Variants in ZBTB4 observed in about 807,000 individuals in gnomAD.
ZBTB4 encodes the protein zinc finger and BTB domain containing 4.
Under a neutral mutation model 59.8 loss-of-function variants are expected in ZBTB4, and 14 were observed. The ratio of observed to expected loss-of-function variants is 0.23; its 90% confidence interval spans 0.15 to 0.37. ZBTB4 has a LOEUF of 0.37. ZBTB4 is among the 10% of genes least tolerant of loss of function. The pLI is 1.00. For synonymous variants in ZBTB4, 587 were observed against 575.2 expected (o/e 1.02, Z -0.29); for missense variants, 1,198 against 1,380.8 (o/e 0.87, Z 2.10).
chr17:7,462,048 G>T lies in ZBTB4; in HGVS notation c.2934C>A (p.Pro978=). 1 of 1,601,240 alleles carries T rather than the reference G, an allele frequency of 6.2e-7. No homozygotes were observed. Among genetic ancestry groups the T allele is most frequent in the Non-Finnish European group, 8.5e-7 (1 of 1,173,332 alleles). Residue 978 remains proline (P), a synonymous_variant, in exon 4 of 4, where the codon CCC becomes CCA. Transcript: ENST00000380599. The surrounding 1 kb of genome is among the most constrained non-coding windows in gnomAD (Gnocchi z 7.5). ...GGGGAGGTGGTGTTGGTGGGGCAGGGGGTGCTGCTTGAGGATTCACTGCGT... is the reference window on the plus strand; with the variant it reads ...GGGGAGGTGGTGTTGGTGGGGCAGGTGGTGCTGCTTGAGGATTCACTGCGT... The part of the protein sequence containing the change: ...FGYAVNPQAA[P]PAPPTPPPPT...
intron 1 of ZBTB4, among the ~76,000 whole-genome samples, chr17:7,469,085 A>T (rs1214283255): frequency 1.3e-5 from 2 of 152,104 alleles, no homozygotes; most frequent in Non-Finnish European, 2.9e-5. Context: ...CCGGGACCCC[A>T]AGAGTCAGTG....
rs2150847385 is a variant in ZBTB4, at chr17:7,461,322, G to A, written c.*618C>T. The A allele has an allele frequency of 6.5e-6, 1 of 152,908 alleles. No homozygotes were observed. The highest frequency in any genetic ancestry group is 2.4e-5 in the African/African-American group (1 of 41,586). The allele number at this position is 152,908 out of a possible 1,614,324, so 9.5% of individuals were successfully genotyped here. The stretch of plus-strand genomic sequence containing the variant: ...CATCTCCGAAGTCCAGGAATATGGG[G>A]AGGAACATGGAAGATCCAAAGGCAT... On this transcript the variant is annotated 3_prime_UTR_variant, in exon 4 of 4. Coordinates refer to ENST00000380599, the MANE Select transcript of ZBTB4 (RefSeq NM_001128833.2).
chr17:7,471,370 A>T (rs2070195118), intron 1 of ZBTB4, among the ~76,000 whole-genome samples: 1 of 152,160 alleles, frequency 6.6e-6, no homozygotes. Flanking sequence ...TTACTTTTGT[A>T]GAGATGGGGT....
chr17:7,479,235 G>A (rs978869543), intron 1 of ZBTB4, among the ~76,000 whole-genome samples: 1 of 152,088 alleles, frequency 6.6e-6, no homozygotes, highest in Admixed American at 6.5e-5. Flanking sequence ...CCCTCGCTCG[G>A]ACGCCATACC....
chr17:7,463,282 G>C lies in ZBTB4; in HGVS notation c.1700C>G (p.Thr567Ser). Residue 567 changes from threonine (T) to serine (S), a missense_variant, in exon 4 of 4, where the codon ACT becomes AGT. By Grantham distance (58) the Thr-to-Ser change is moderately conservative. Transcript: ENST00000380599. ...CACTGGCTTGGCTGTGTAAGTCAGA[G>C]TCCTTCCAGCCCGTGGATTCCGGCC... ...AKGRNPRAGR[T>S]LTYTAKPVGG... 1 of 1,611,190 alleles carries C rather than the reference G, an allele frequency of 6.2e-7. No individual in the cohort carries two copies. Among genetic ancestry groups the C allele is most frequent in the Non-Finnish European group, 8.5e-7 (1 of 1,179,058 alleles).
upstream of ZBTB4, chr17:7,481,339 A>G (rs897348919): frequency 6.5e-5 from 72 of 1,107,460 alleles, no homozygotes; most frequent in Admixed American, 2.2e-4. Flanking sequence ...CGCAAACAAA[A>G]AAAGAAAGAA....
intron 1 of ZBTB4, among the ~76,000 whole-genome samples, chr17:7,475,086 A>T (rs766562494): frequency 3.0e-4 from 45 of 150,328 alleles, no homozygotes; most frequent in Non-Finnish European, 3.8e-4. Flanking sequence ...TGGGAGGCCA[A>T]GGCAGGTGGA....
At chr17:7,480,453 C>T (rs2070329940), upstream of ZBTB4, among the ~76,000 whole-genome samples, 1 of 152,192 alleles carries the variant, frequency 6.6e-6, no homozygotes, top group African/African-American at 2.4e-5. Context: ...GGCGCGGTGG[C>T]TCACGCCTGT....
chr17:7,471,150 T>C (rs970411130), intron 1 of ZBTB4, among the ~76,000 whole-genome samples: 1 of 152,136 alleles, frequency 6.6e-6, no homozygotes, highest in Non-Finnish European at 1.5e-5. Flanking sequence ...CACACAATCA[T>C]TGTCATCATG....
intron 1 of ZBTB4, among the ~76,000 whole-genome samples, chr17:7,470,446 C>T (rs866034807): frequency 1.3e-5 from 2 of 151,978 alleles, no homozygotes; most frequent in Admixed American, 6.6e-5. Flanking sequence ...GTAATCCCAG[C>T]ACTTTGGGAG....
Position 7,463,905 on chromosome 17 carries a change from C to T in ZBTB4, c.1092-15G>A. The T allele has an allele frequency of 6.2e-7, 1 of 1,606,718 alleles. No homozygotes were observed. Among genetic ancestry groups the T allele is most frequent in the Non-Finnish European group, 8.5e-7 (1 of 1,176,808 alleles). Reference sequence around the variant, plus strand: ...TGCACTGGTACCTGGGTCAGGACAGCAGGGAATAGGGCAGGAACACAGGCA... The same window carrying T: ...TGCACTGGTACCTGGGTCAGGACAGTAGGGAATAGGGCAGGAACACAGGCA... On this transcript the variant is annotated splice_polypyrimidine_tract_variant and intron_variant, in intron 3 of 3. Transcript: ENST00000380599.
In ZBTB4 at chr17:7,462,177, A is replaced by G. The variant is rs746432109; in HGVS notation, c.2805T>C (p.Pro935=). ...VYGPQLLAAY[P]YNFSNLAALP... is the part of the protein sequence containing the mutation. ...GAGCGGCCAAGTTACTGAAGTTGTA[A>G]GGGTAGGCGGCAAGGAGCTGGGGGC... The change falls in exon 4 of 4, where the codon CCT becomes CCC. Residue 935 remains proline, a synonymous_variant. Transcript: ENST00000380599. This position sits in a 1 kb window ranked among gnomAD's most constrained non-coding sequence, Gnocchi z 7.5. The G allele has an allele frequency of 7.4e-6, 12 of 1,613,656 alleles. No individual in the cohort carries two copies. The highest frequency in any genetic ancestry group is 1.3e-5 in the African/African-American group (1 of 74,806).
At chr17:7,470,038 C>T (rs534399486) in intron 1 of ZBTB4, among the ~76,000 whole-genome samples, 218 of 151,980 alleles carry the variant, frequency 1.4e-3, no homozygotes, top group Non-Finnish European at 2.3e-3. Flanking sequence ...GCCGAGATTG[C>T]GTCACTGCAC....
At position 7,479,501 on chromosome 17, in the gene ZBTB4, G is replaced by A. The variant is rs1202977340; in HGVS notation, c.-126C>T. The A allele has an allele frequency of 3.1e-5, 5 of 159,066 alleles. No individual in the cohort carries two copies. The highest frequency in any genetic ancestry group is 4.8e-5 in the African/African-American group (2 of 41,536). 9.9% of individuals were successfully genotyped at this position (159,066 alleles called of 1,614,324 possible). On this transcript the variant is annotated 5_prime_UTR_variant, in exon 1 of 4. Transcript: ENST00000380599. ...TCCGCCAGGCCCGGCTCATCACCGT[G>A]GCCGCCCCCGGCCGCTCCGGTTTTG...
At chr17:7,465,010 G>A (rs910521570) in intron 3 of ZBTB4, among the ~76,000 whole-genome samples, 1 of 150,490 alleles carries the variant, frequency 6.6e-6, no homozygotes, top group African/African-American at 2.4e-5. Context: ...CAAAAAATTA[G>A]CCGGGCGTGA....
intron 1 of ZBTB4, among the ~76,000 whole-genome samples, chr17:7,478,466 G>A (rs751355907): frequency 6.6e-6 from 1 of 151,944 alleles, no homozygotes; most frequent in South Asian, 2.1e-4. Flanking sequence ...CTTCACCACT[G>A]GACCACACCT....
chr17:7,461,906 G>A lies in ZBTB4; in HGVS notation c.*34C>T, dbSNP rs2070025244. On this transcript the variant is annotated 3_prime_UTR_variant, in exon 4 of 4. Transcript: ENST00000380599. ...TAGTGGTGGGGGGTTCAGGGAGGGT[G>A]GCATCTGGTGAAAGGGGGATTGAGC... 4.0e-6 allele frequency: 6 copies of A among 1,511,026 alleles called. No homozygotes were observed. Among genetic ancestry groups the A allele is most frequent in the Non-Finnish European group, 4.4e-6 (5 of 1,126,842 alleles). The allele number at this position is 1,511,026 out of a possible 1,614,324, so 93.6% of individuals were successfully genotyped here. A position where few individuals can be genotyped will look rare whatever the true frequency, so the allele number is the denominator to read the frequency against.
rs367983326 is a variant in ZBTB4, at chr17:7,466,593, G to A, written c.209C>T (p.Ala70Val). The part of the protein sequence containing the change: ...LTSAPLPLPP[A>V]TGGAAPNPAT... ...AGGGTTGGGTGCGGCGCCCCCAGTA[G>A]CTGGTGGAAGGGGTAGTGGGGCTGA... The change falls in exon 3 of 4, where the codon GCT (alanine) becomes GTT (valine). Residue 70 changes from alanine (A) to valine (V), a missense_variant. By Grantham distance (64) the Ala-to-Val change is moderately conservative. Around this residue, in one of 9 missense-constraint regions of ZBTB4, gnomAD observed 83 missense variants for 76.5 expected, o/e 1.09. Coordinates refer to ENST00000380599, the MANE Select transcript of ZBTB4 (RefSeq NM_001128833.2). This position sits in a 1 kb window ranked among gnomAD's most constrained non-coding sequence, Gnocchi z 9.1. The A allele has an allele frequency of 1.7e-5, 27 of 1,613,378 alleles. No homozygotes were observed. Among genetic ancestry groups the A allele is most frequent in the Non-Finnish European group, 2.3e-5 (27 of 1,179,678 alleles).
rs570422164 is a variant in ZBTB4, at chr17:7,465,025, G to A, written c.1091+686C>T. ...CAAAAAATTAGCCGGGCGTGATGGC[G>A]GGCGCCTGTAGTCCCAGCTACTCGG... On this transcript the variant is annotated intron_variant, in intron 3 of 3. Coordinates refer to ENST00000380599, the MANE Select transcript of ZBTB4 (RefSeq NM_001128833.2). Among the ~76,000 whole-genome samples the A allele has an allele frequency of 7.7e-4, 116 of 151,054 alleles. 1 individual carries two copies. Among genetic ancestry groups the A allele is most frequent in the South Asian group, 2.1e-4 (1 of 4,798 alleles).
Sources: gnomAD v4.1 joint callset for allele counts (sites outside exome capture counted in the v4.1 genomes callset) on GRCh38, gnomAD v4.1.1 for gene constraint, gnomAD v4.1.1 regional missense constraint, Gnocchi (gnomAD v3.1) non-coding constraint, MANE v1.5 for transcripts, NCBI Gene and HGNC (gene_info 2026-07-23, HGNC 2026-07-21) for gene names.